Variants in PTPRS observed in about 807,000 individuals in gnomAD.
PTPRS encodes the protein receptor-type tyrosine-protein phosphatase S.
In PTPRS, 63 loss-of-function variants were observed where a neutral mutation model predicts 215.3. The observed-to-expected ratio is 0.29, with a 90% CI of 0.24 to 0.36. The LOEUF (loss-of-function observed/expected upper bound fraction) is 0.36, where lower values mean the gene tolerates loss of function less well. Ranked by LOEUF, PTPRS falls within the 10% of genes least tolerant of loss-of-function variation. PTPRS has a pLI of 1.00. For missense variants in PTPRS, 2,258 were observed against 2,825.8 expected, an observed-to-expected ratio of 0.80 and a Z score of 4.56; for synonymous variants, 1,404 against 1,191.4, an observed-to-expected ratio of 1.18 and a Z score of -3.68.
chr19:5,243,160 G>A (rs1214831061), intron 11 of PTPRS, among the ~76,000 whole-genome samples: 1 of 149,942 alleles, frequency 6.7e-6, no homozygotes, highest in Non-Finnish European at 1.5e-5. Flanking sequence ...TTTTTGAGAT[G>A]GCGTTTCACT....
chr19:5,273,149 C>A, intron 4 of PTPRS: 1 of 445,032 alleles, frequency 2.2e-6, no homozygotes, highest in Non-Finnish European at 4.1e-6. Context: ...TTACCTTTCT[C>A]GCTTGAACCC....
At chr19:5,224,283 G>A (rs1022112167) in intron 17 of PTPRS, among the ~76,000 whole-genome samples, 4 of 152,232 alleles carry the variant, frequency 2.6e-5, no homozygotes, top group Non-Finnish European at 1.5e-5. Context: ...GCTCCAGGAA[G>A]AGGGAACGGC....
At chr19:5,213,508 AGCTT>A (rs1273421669) in intron 30 of PTPRS, among the ~76,000 whole-genome samples, 2 of 152,140 alleles carry the variant, frequency 1.3e-5, no homozygotes, top group African/African-American at 4.8e-5. Flanking sequence ...TTGACATGTA[AGCTT>A]TCTTGACATT....
chr19:5,267,654 C>CAA (rs5826877), intron 4 of PTPRS, among the ~76,000 whole-genome samples: 50 of 122,712 alleles, frequency 4.1e-4, no homozygotes, highest in African/African-American at 1.1e-3. Context: ...AAGACTGTCT[C>CAA]AAAAAAAAAA....
chr19:5,317,197 C>T (rs1020321150), intron 1 of PTPRS, among the ~76,000 whole-genome samples: 8 of 152,164 alleles, frequency 5.3e-5, no homozygotes, highest in Non-Finnish European at 7.3e-5. Flanking sequence ...CCTGGCCAGG[C>T]GCAGTGGCTC....
chr19:5,297,781 CTTTT>C (rs1286480898), intron 1 of PTPRS, among the ~76,000 whole-genome samples: 5 of 144,408 alleles, frequency 3.5e-5, no homozygotes, highest in Admixed American at 1.4e-4. Flanking sequence ...TCCAGTCTTT[CTTTT>C]CTTTTCTTTT....
chr19:5,310,400 C>A (rs2049661567), intron 1 of PTPRS, among the ~76,000 whole-genome samples: 1 of 151,050 alleles, frequency 6.6e-6, no homozygotes, highest in Admixed American at 6.6e-5. Flanking sequence ...TCACTACAAC[C>A]TCCGCTTCCC....
Position 5,240,247 on chromosome 19 carries a change from A to G in PTPRS, c.1656T>C (p.Ser552=). The G allele has an allele frequency of 6.3e-7, 1 of 1,576,248 alleles. No homozygotes were observed. Among genetic ancestry groups the G allele is most frequent in the South Asian group, 1.2e-5 (1 of 85,558 alleles). The change falls in exon 12 of 38, where the codon AGT becomes AGC. Residue 552 remains serine, a synonymous_variant. Transcript: ENST00000262963. The part of the protein sequence containing the change: ...TLSWSPPRQE[S]IIKYELLFRE... ...GGAAGAGGAGCTCGTACTTGATGATACTCTCCTGCCGCGGGGGGCTCCAGG... is the reference window on the plus strand; with the variant it reads ...GGAAGAGGAGCTCGTACTTGATGATGCTCTCCTGCCGCGGGGGGCTCCAGG...
chr19:5,277,846 C>A, intron 2 of PTPRS: 2 of 826,002 alleles, frequency 2.4e-6, no homozygotes, highest in South Asian at 1.3e-5. Flanking sequence ...CTGGGGGAAA[C>A]CCAGAGGTAT....
At chr19:5,224,774 G>A (rs1206345292) in intron 17 of PTPRS, among the ~76,000 whole-genome samples, 1 of 152,166 alleles carries the variant, frequency 6.6e-6, no homozygotes, top group East Asian at 1.9e-4. Context: ...GCTTGGAGGA[G>A]GTGGCGTTAG....
chr19:5,245,601 T>C (rs1416369100), intron 10 of PTPRS, among the ~76,000 whole-genome samples, 175 bp downstream of exon 10: 1 of 152,130 alleles, frequency 6.6e-6, no homozygotes, highest in Non-Finnish European at 1.5e-5. Flanking sequence ...CCAGGATCAT[T>C]TATAACCAAT....
chr19:5,292,906 C>A (rs2048950334), intron 1 of PTPRS: 1 of 151,936 alleles, frequency 6.6e-6, no homozygotes, highest in Non-Finnish European at 1.5e-5. Context: ...GGGGACCCTG[C>A]GGAGCATAAC....
intron 3 of PTPRS, among the ~76,000 whole-genome samples, chr19:5,273,967 T>C (rs2047140323): frequency 6.6e-6 from 1 of 152,200 alleles, no homozygotes; most frequent in African/African-American, 2.4e-5. Context: ...TACACTGCAC[T>C]GTGAAGAAGA....
intron 35 of PTPRS, among the ~76,000 whole-genome samples, chr19:5,208,921 C>G (rs1428496623): frequency 2.0e-5 from 3 of 152,148 alleles, no homozygotes; most frequent in Non-Finnish European, 4.4e-5. Context: ...TTTCGGGGCC[C>G]TACAGCACAA....
intron 8 of PTPRS, among the ~76,000 whole-genome samples, chr19:5,256,872 G>A (rs970799197): frequency 2.0e-5 from 3 of 152,010 alleles, no homozygotes; most frequent in Non-Finnish European, 4.4e-5. Context: ...GTGAGTGAGG[G>A]TCTGTGGGTA....
At chr19:5,267,032 C>A (rs762879662) in intron 4 of PTPRS, among the ~76,000 whole-genome samples, 1 of 152,158 alleles carries the variant, frequency 6.6e-6, no homozygotes, top group African/African-American at 2.4e-5. Flanking sequence ...TAGCACCCAG[C>A]GCAGAACCGG....
At chr19:5,256,778 A>G (rs552375249) in intron 8 of PTPRS, among the ~76,000 whole-genome samples, 81 of 151,994 alleles carry the variant, frequency 5.3e-4, no homozygotes, top group Admixed American at 8.5e-4. Flanking sequence ...CCTCCTCCTC[A>G]GAGACAAAAT....
chr19:5,282,751 C>G (rs902270131), intron 2 of PTPRS, among the ~76,000 whole-genome samples: 3 of 151,162 alleles, frequency 2.0e-5, no homozygotes, highest in African/African-American at 4.9e-5. Flanking sequence ...GCAGTGGGAG[C>G]CGAGATCGAG....
chr19:5,286,753 T>C (rs949659954), intron 1 of PTPRS, among the ~76,000 whole-genome samples: 4 of 152,068 alleles, frequency 2.6e-5, no homozygotes, highest in Non-Finnish European at 5.9e-5. Context: ...GCAGCCCAAA[T>C]GGACTAAGAC....
Sources: gnomAD v4.1 joint callset for allele counts (sites outside exome capture counted in the v4.1 genomes callset) on GRCh38, gnomAD v4.1.1 for gene constraint, MANE v1.5 for transcripts, NCBI Gene and HGNC (gene_info 2026-07-23, HGNC 2026-07-21) for gene names.